The following FBXW7 variants were observed in gnomAD, a reference collection of about 807,000 sequenced individuals.
The protein encoded by FBXW7 is F-box and WD repeat domain containing 7.
In FBXW7, 11 loss-of-function variants were observed where a neutral mutation model predicts 86.3. That is an observed-to-expected ratio of 0.13 (90% CI 0.08 to 0.21). FBXW7 has a LOEUF of 0.21. FBXW7 is among the 10% of genes least tolerant of loss of function. FBXW7 has a pLI of 1.00. For missense variants in FBXW7, 488 were observed against 847.4 expected, an observed-to-expected ratio of 0.58 and a Z score of 5.27; for synonymous variants, 313 against 297.9, an observed-to-expected ratio of 1.05 and a Z score of -0.52.
chr4:152,438,264 T>G (rs1247215787), intron 2 of FBXW7, among the ~76,000 whole-genome samples: 1 of 152,256 alleles, frequency 6.6e-6, no homozygotes, highest in Non-Finnish European at 1.5e-5. Flanking sequence ...TACAATGCCA[T>G]GTAAATATAA....
chr4:152,533,326 C>T (rs1750181501), intron 2 of FBXW7, among the ~76,000 whole-genome samples: 1 of 152,186 alleles, frequency 6.6e-6, no homozygotes, highest in Non-Finnish European at 1.5e-5. Flanking sequence ...TCCCCTCCTT[C>T]CCAAAATACA....
At chr4:152,366,413 A>C (rs1282696642) in intron 4 of FBXW7, among the ~76,000 whole-genome samples, 1 of 152,180 alleles carries the variant, frequency 6.6e-6, no homozygotes, top group Non-Finnish European at 1.5e-5. Flanking sequence ...CACTTCTCAC[A>C]GGTCTCATTT....
At chr4:152,510,957 T>C (rs532588352) in intron 2 of FBXW7, among the ~76,000 whole-genome samples, 2 of 152,120 alleles carry the variant, frequency 1.3e-5, no homozygotes, top group South Asian at 4.2e-4. Context: ...ATTAAATACC[T>C]ACATATACTA....
chr4:152,349,349 A>C (rs2126646061), intron 5 of FBXW7, among the ~76,000 whole-genome samples: 1 of 152,030 alleles, frequency 6.6e-6, no homozygotes, highest in African/African-American at 2.4e-5. Flanking sequence ...CTGTCATTTA[A>C]ATTTTAAAAT....
At chr4:152,440,755 TGTA>T (rs1740817627) in intron 2 of FBXW7, among the ~76,000 whole-genome samples, 1 of 152,106 alleles carries the variant, frequency 6.6e-6, no homozygotes, top group South Asian at 2.1e-4. Flanking sequence ...AGTAAAGAGA[TGTA>T]ATCTAAGCAT....
intron 2 of FBXW7, among the ~76,000 whole-genome samples, chr4:152,462,136 G>A (rs966914030): frequency 3.9e-5 from 6 of 152,090 alleles, no homozygotes. Flanking sequence ...TCTGCACCTG[G>A]GTAGTCTGGT....
intron 4 of FBXW7, among the ~76,000 whole-genome samples, chr4:152,407,844 AC>A (rs1193675528): frequency 6.6e-6 from 1 of 152,140 alleles, no homozygotes; most frequent in African/African-American, 2.4e-5. Flanking sequence ...AGCTGGAACC[AC>A]AGGCGCATGC....
chr4:152,484,125 A>C (rs1745137088), intron 2 of FBXW7, among the ~76,000 whole-genome samples: 1 of 152,188 alleles, frequency 6.6e-6, no homozygotes, highest in East Asian at 1.9e-4. Context: ...CCTAGAATGA[A>C]GTGTTGTTAT....
chr4:152,409,017 A>G (rs941290213), intron 4 of FBXW7, among the ~76,000 whole-genome samples: 2 of 152,226 alleles, frequency 1.3e-5, no homozygotes, highest in African/African-American at 4.8e-5. Flanking sequence ...CAAGGGGGGA[A>G]AAACTGTCCT....
chr4:152,499,457 C>T (rs1005125590), intron 2 of FBXW7, among the ~76,000 whole-genome samples: 2 of 152,130 alleles, frequency 1.3e-5, no homozygotes, highest in Admixed American at 6.5e-5. Context: ...AAATACAGAT[C>T]AAGTCTATGC....
Position 152,535,885 on chromosome 4 carries a change from G to A in FBXW7, c.-971C>T. 2.7e-6 allele frequency: 1 copy of A among 373,944 alleles called. No individual in the cohort carries two copies. Among genetic ancestry groups the A allele is most frequent in the Non-Finnish European group, 4.8e-6 (1 of 210,080 alleles). The allele number at this position is 373,944 out of a possible 1,614,324, so 23.2% of individuals were successfully genotyped here. On this transcript the variant is annotated 5_prime_UTR_variant, in exon 1 of 14. Transcript: ENST00000281708. ...CGCCGCTGCCGGCCGGGAAGGTGAG[G>A]GGGGGAAAGGAGTGCGGCCGCGGCT...
intron 4 of FBXW7, among the ~76,000 whole-genome samples, chr4:152,386,441 A>G (rs1409176918): frequency 6.6e-6 from 1 of 152,114 alleles, no homozygotes; most frequent in Non-Finnish European, 1.5e-5. Flanking sequence ...GATAGTGTTA[A>G]TTAAACTGTC....
chr4:152,418,626 A>C (rs1338431646), intron 2 of FBXW7, among the ~76,000 whole-genome samples: 2 of 152,224 alleles, frequency 1.3e-5, no homozygotes, highest in Non-Finnish European at 2.9e-5. Context: ...AAAGATCTGC[A>C]GTTTTATCAT....
chr4:152,441,775 T>C (rs17028897), intron 2 of FBXW7, among the ~76,000 whole-genome samples: 2,819 of 152,330 alleles, frequency 0.019, 155 homozygotes, highest in East Asian at 0.18. Context: ...CTTTGGAGGA[T>C]AGACTGCTAT....
At chr4:152,457,285 T>C (rs2149622765) in intron 2 of FBXW7, among the ~76,000 whole-genome samples, 1 of 152,266 alleles carries the variant, frequency 6.6e-6, no homozygotes, top group South Asian at 2.1e-4. Context: ...ACTGGATATA[T>C]ACATTGTGGT....
chr4:152,381,220 T>C (rs1735035706), intron 4 of FBXW7, among the ~76,000 whole-genome samples: 1 of 152,104 alleles, frequency 6.6e-6, no homozygotes, highest in Non-Finnish European at 1.5e-5. Flanking sequence ...AAGATTCTCT[T>C]TATTAAGGAG....
chr4:152,418,137 A>G (rs756302305), intron 2 of FBXW7, among the ~76,000 whole-genome samples: 73 of 151,466 alleles, frequency 4.8e-4, no homozygotes, highest in Non-Finnish European at 9.1e-4. Flanking sequence ...CCACACACAC[A>G]CACACACACA....
At chr4:152,496,627 G>C (rs576474650) in intron 2 of FBXW7, among the ~76,000 whole-genome samples, 10 of 151,000 alleles carry the variant, frequency 6.6e-5, no homozygotes, top group African/African-American at 2.4e-4. Context: ...GCAGTGAGCC[G>C]AGATCACAAC....
chr4:152,465,468 A>G lies in FBXW7; in HGVS notation c.-119-52939T>C, dbSNP rs557722550. Among the ~76,000 whole-genome samples the G allele has an allele frequency of 2.6e-5, 4 of 152,348 alleles. No homozygotes were observed. In the East Asian group the frequency reaches 7.7e-4, roughly 29 times the overall value. On this transcript the variant is annotated intron_variant, in intron 2 of 13. Transcript: ENST00000281708. ...AATTGAAAATTTAACAACATCATTA[A>G]TAAGTTTTTCATTTCCTTTTCCATT...
Sources: gnomAD v4.1 joint callset for allele counts (sites outside exome capture counted in the v4.1 genomes callset) on GRCh38, gnomAD v4.1.1 for gene constraint, MANE v1.5 for transcripts, NCBI Gene and HGNC (gene_info 2026-07-23, HGNC 2026-07-21) for gene names.